The following STRN variants were observed in gnomAD, a reference collection of about 807,000 sequenced individuals.
The protein encoded by STRN is protein phosphatase 2 regulatory subunit B'''alpha.
STRN carries 53 observed loss-of-function variants against 96.3 expected under a neutral mutation model. The ratio of observed to expected loss-of-function variants is 0.55; its 90% CI spans 0.44 to 0.69. The LOEUF is 0.69. Among genes scored for constraint, STRN ranks in the 30% least tolerant of loss-of-function variants. The pLI is 0.00. For missense variants in STRN, 987 were observed against 963.9 expected, an observed-to-expected ratio of 1.02 and a Z score of -0.32; for synonymous variants, 428 against 355.9, an observed-to-expected ratio of 1.20 and a Z score of -2.28.
chr2:36,845,610 TA>T lies in STRN; in HGVS notation c.*3845del, dbSNP rs1668048884. The T allele has an allele frequency of 6.6e-6, 1 of 152,128 alleles. No homozygotes were observed. Among genetic ancestry groups the T allele is most frequent in the African/African-American group, 2.4e-5 (1 of 41,426 alleles). 9.4% of individuals were successfully genotyped at this position (152,128 alleles called of 1,614,324 possible). On this transcript the variant is annotated 3_prime_UTR_variant, in exon 18 of 18. Coordinates refer to ENST00000263918, the MANE Select transcript of STRN (RefSeq NM_003162.4). Reference sequence around the variant, plus strand: ...TATGAAGTATTAAAAAGTGAGCCTTTAAAAAATTACATTTACTTAGCCAACA... The same window carrying T: ...TATGAAGTATTAAAAAGTGAGCCTTTAAAAATTACATTTACTTAGCCAACA...
chr2:36,855,080 G>C, intron 15 of STRN, 132 bp downstream of exon 15: 1 of 927,382 alleles, frequency 1.1e-6, no homozygotes, highest in Non-Finnish European at 1.6e-6. Flanking sequence ...AACCTTCTAA[G>C]TAACTGTGTT....
intron 6 of STRN, among the ~76,000 whole-genome samples, chr2:36,896,252 A>G (rs769034430): frequency 6.6e-6 from 1 of 152,204 alleles, no homozygotes; most frequent in African/African-American, 2.4e-5. Flanking sequence ...GGGGGGAAAA[A>G]CTTGTTTCTA....
chr2:36,851,149 A>G, intron 15 of STRN, 42 bp from the exon 16 acceptor site: 1 of 1,517,024 alleles, frequency 6.6e-7, no homozygotes, highest in Non-Finnish European at 9.1e-7. Flanking sequence ...TTAGTCAAAG[A>G]TATTTTTCAC....
At chr2:36,913,541 G>A (rs1670015139) in intron 3 of STRN, among the ~76,000 whole-genome samples, 1 of 152,176 alleles carries the variant, frequency 6.6e-6, no homozygotes, top group African/African-American at 2.4e-5. Context: ...CTAGGTTTGT[G>A]CTACTGCGCT....
At chr2:36,861,771 C>T (rs1052163252) in intron 12 of STRN, among the ~76,000 whole-genome samples, 4 of 151,048 alleles carry the variant, frequency 2.6e-5, no homozygotes, top group Non-Finnish European at 5.9e-5. Context: ...ACACTTCTCA[C>T]AAAACTTTTT....
intron 14 of STRN, among the ~76,000 whole-genome samples, chr2:36,855,976 G>A (rs1004876462): frequency 6.6e-6 from 1 of 151,876 alleles, no homozygotes; most frequent in Non-Finnish European, 1.5e-5. Context: ...TTTTCATTTG[G>A]CTCAAAATCT....
intron 9 of STRN, among the ~76,000 whole-genome samples, chr2:36,880,935 C>T (rs1300384451): frequency 6.6e-6 from 1 of 151,998 alleles, no homozygotes; most frequent in Non-Finnish European, 1.5e-5. Context: ...CAGGACACTC[C>T]AGGACTGATG....
chr2:36,884,611 T>C (rs1195816954), intron 8 of STRN, among the ~76,000 whole-genome samples: 3 of 152,220 alleles, frequency 2.0e-5, no homozygotes, highest in African/African-American at 7.2e-5. Context: ...TTTTTCCTGT[T>C]ACAAGTTTAA....
chr2:36,960,357 A>G (rs1664997094), intron 1 of STRN, among the ~76,000 whole-genome samples: 1 of 152,194 alleles, frequency 6.6e-6, no homozygotes. Context: ...ATTCACTCCC[A>G]TTAAATATCT....
At position 36,935,355 on chromosome 2, in the gene STRN, A is replaced by G. The variant is rs1425364476; in HGVS notation, c.235-10147T>C. Among the ~76,000 whole-genome samples the G allele has an allele frequency of 2.0e-5, 3 of 152,206 alleles. No individual in the cohort carries two copies. In the East Asian group the frequency reaches 5.8e-4, roughly 29 times the overall value. On this transcript the variant is annotated intron_variant, in intron 1 of 17. Coordinates refer to ENST00000263918, the MANE Select transcript of STRN (RefSeq NM_003162.4). ...CTCTGTATGTACATATTATTTTAAC[A>G]CTTTATGAGACTTATATTAATGTTC...
chr2:36,879,967 A>T (rs1038478261), intron 9 of STRN, among the ~76,000 whole-genome samples: 16 of 137,456 alleles, frequency 1.2e-4, no homozygotes, highest in African/African-American at 3.7e-4. Flanking sequence ...CCTATATCTT[A>T]AAAAAAAAAA....
chr2:36,948,697 C>T (rs941633869), intron 1 of STRN, among the ~76,000 whole-genome samples: 2 of 152,104 alleles, frequency 1.3e-5, no homozygotes, highest in Non-Finnish European at 2.9e-5. Context: ...ATTGACTGAA[C>T]AGATTTATAA....
chr2:36,940,523 T>C (rs1218809381), intron 1 of STRN, among the ~76,000 whole-genome samples: 2 of 152,076 alleles, frequency 1.3e-5, no homozygotes, highest in African/African-American at 2.4e-5. Context: ...AAAACATTTT[T>C]GTCTTAAAAA....
At chr2:36,952,869 C>T (rs1664795199) in intron 1 of STRN, among the ~76,000 whole-genome samples, 1 of 152,318 alleles carries the variant, frequency 6.6e-6, no homozygotes, top group East Asian at 1.9e-4. Flanking sequence ...CCACATTCCT[C>T]AGGGAGCAGG....
chr2:36,887,451 C>G (rs1669270692), intron 7 of STRN, among the ~76,000 whole-genome samples: 1 of 151,576 alleles, frequency 6.6e-6, no homozygotes, highest in African/African-American at 2.4e-5. Flanking sequence ...GCCTGGGCAA[C>G]AGGAGCAAAA....
Position 36,962,629 on chromosome 2 carries a change from C to T in STRN, c.234+3601G>A, listed in dbSNP as rs559685477. Among the ~76,000 whole-genome samples, 3 of 151,992 alleles carry T rather than the reference C, an allele frequency of 2.0e-5. No homozygotes were observed. In the South Asian group the frequency reaches 6.2e-4, roughly 32 times the overall value. The stretch of plus-strand genomic sequence containing the variant: ...GCAACCTCCGCCTCCCAGGTTCAAG[C>T]GATTCTCCTGCCTCAGCCTCCAGCA... On this transcript the variant is annotated intron_variant, in intron 1 of 17. Coordinates refer to ENST00000263918, the MANE Select transcript of STRN (RefSeq NM_003162.4).
chr2:36,843,501 A>G lies in STRN; in HGVS notation c.*5955T>C, dbSNP rs543634680. On this transcript the variant is annotated 3_prime_UTR_variant, in exon 18 of 18. Coordinates refer to ENST00000263918, the MANE Select transcript of STRN (RefSeq NM_003162.4). ...AAAACATAAAACCTATTCATTAAACATATGTGTCTCTGAAAGTACCACTGA... is the reference window on the plus strand; with the variant it reads ...AAAACATAAAACCTATTCATTAAACGTATGTGTCTCTGAAAGTACCACTGA... The G allele has an allele frequency of 6.6e-6, 1 of 152,160 alleles. No homozygotes were observed. The highest frequency in any genetic ancestry group is 1.5e-5 in the Non-Finnish European group (1 of 68,012). The allele number at this position is 152,160 out of a possible 1,614,324, so 9.4% of individuals were successfully genotyped here.
At chr2:36,883,560 T>C (rs1398153075) in intron 9 of STRN, among the ~76,000 whole-genome samples, 1 of 152,226 alleles carries the variant, frequency 6.6e-6, no homozygotes, top group African/African-American at 2.4e-5. Context: ...ATCCCCTTTT[T>C]CAATTATCAT....
chr2:36,851,245 G>A lies in STRN; in HGVS notation c.1979-138C>T, dbSNP rs28701005. 0.018 allele frequency: 10,592 copies of A among 591,568 alleles called. 172 individuals are homozygous for A. The highest frequency in any genetic ancestry group is 0.066 in the African/African-American group (3,472 of 52,738). 36.6% of individuals were successfully genotyped at this position (591,568 alleles called of 1,614,324 possible). On this transcript the variant is annotated intron_variant, in intron 15 of 17. Transcript: ENST00000263918. ...CACGCCTGTAATCCAAGCACGTTGGGAGGCCAAGGTGGGTGGATCACGAGG... is the reference window on the plus strand; with the variant it reads ...CACGCCTGTAATCCAAGCACGTTGGAAGGCCAAGGTGGGTGGATCACGAGG...
Sources: allele counts gnomAD v4.1 joint callset (sites outside exome capture counted in the v4.1 genomes callset), GRCh38; gene constraint gnomAD v4.1.1; transcripts MANE v1.5; gene names NCBI Gene and HGNC (gene_info 2026-07-23, HGNC 2026-07-21).